Variants in IL1RAPL2 observed in about 807,000 individuals in gnomAD.
IL1RAPL2 encodes X-linked interleukin-1 receptor accessory protein-like 2.
Under a neutral mutation model 44.1 loss-of-function variants are expected in IL1RAPL2, and 3 were observed. That is an observed-to-expected ratio of 0.07 (90% CI 0.03 to 0.18). IL1RAPL2 has a LOEUF of 0.18. IL1RAPL2 is among the 10% of genes least tolerant of loss of function. IL1RAPL2 has a pLI of 1.00. For synonymous variants in IL1RAPL2, 181 were observed against 178.8 expected (o/e 1.01, Z -0.10); for missense variants, 391 against 496.4 (o/e 0.79, Z 2.02).
chrX:104,829,185 A>T (rs1445137378), intron 2 of IL1RAPL2, among the ~76,000 whole-genome samples: 1 of 111,636 alleles, frequency 9.0e-6, no homozygotes, highest in African/African-American at 3.3e-5. Context: ...ATGAAAAAAA[A>T]ACTCTTGCAG....
At position 104,585,394 on chromosome X, in the gene IL1RAPL2, A is replaced by T. The variant is rs1218276659; in HGVS notation, c.-20+18343A>T. Among the ~76,000 whole-genome samples the T allele has an allele frequency of 7.2e-4, 17 of 23,600 alleles. 1 individual carries two copies. The highest frequency in any genetic ancestry group is 2.4e-3 in the Admixed American group (3 of 1,273). 20.5% of individuals were successfully genotyped at this position (23,600 alleles called of 115,157 possible). On this transcript the variant is annotated intron_variant, in intron 1 of 10. Transcript: ENST00000372582. ...ATTATATATAATATATATTATATAT[A>T]ATATATAATATATATATAATATATA...
Position 105,088,728 on chromosome X carries a change from T to C in IL1RAPL2, c.83-106747T>C, listed in dbSNP as rs1201894963. On this transcript the variant is annotated intron_variant, in intron 2 of 10. Coordinates refer to ENST00000372582, the MANE Select transcript of IL1RAPL2 (RefSeq NM_017416.2). Reference sequence around the variant, plus strand: ...GTATGCTTAAATAGAGACCCACTTATTGGTGCCAGTTAATCCTTAATGAAT... The same window carrying C: ...GTATGCTTAAATAGAGACCCACTTACTGGTGCCAGTTAATCCTTAATGAAT... Among the ~76,000 whole-genome samples the C allele has an allele frequency of 3.6e-5, 4 of 111,654 alleles. No individual in the cohort carries two copies. The East Asian group carries it at 1.1e-3, about 31-fold the overall frequency.
chrX:104,785,587 T>G (rs1410495454), intron 2 of IL1RAPL2, among the ~76,000 whole-genome samples: 2 of 111,586 alleles, frequency 1.8e-5, no homozygotes, highest in African/African-American at 6.5e-5. Context: ...ACCTTGCATC[T>G]GCCTTCAGTT....
intron 2 of IL1RAPL2, among the ~76,000 whole-genome samples, chrX:104,903,848 G>C (rs771085975): frequency 9.0e-6 from 1 of 111,616 alleles, no homozygotes; most frequent in Non-Finnish European, 1.9e-5. Context: ...CAAAGTGCTA[G>C]GATTACAGAT....
intron 6 of IL1RAPL2, among the ~76,000 whole-genome samples, chrX:105,692,066 T>C (rs2038039831): frequency 8.9e-6 from 1 of 112,030 alleles, no homozygotes; most frequent in African/African-American, 3.2e-5. Context: ...TAATGAGTTT[T>C]ATTGGGAATA....
chrX:105,513,398 G>A (rs781631423), intron 6 of IL1RAPL2, among the ~76,000 whole-genome samples: 18 of 111,482 alleles, frequency 1.6e-4, no homozygotes, highest in Non-Finnish European at 2.3e-4. Context: ...GCATAAAAGC[G>A]TTCCTATTTC....
rs1358992337 is a variant in IL1RAPL2 at position 104,638,431 on chromosome X, T to C, written c.-19-20464T>C. Among the ~76,000 whole-genome samples the C allele has an allele frequency of 2.7e-5, 3 of 111,757 alleles. No homozygotes were observed. In the East Asian group the frequency reaches 8.5e-4, roughly 31 times the overall value. The stretch of plus-strand genomic sequence containing the variant: ...GTTTGGTTTGTACTTTCTTTTCTAG[T>C]TACTTGAGGTGCACTATTAAATTAT... On this transcript the variant is annotated intron_variant, in intron 1 of 10. Coordinates refer to ENST00000372582, the MANE Select transcript of IL1RAPL2 (RefSeq NM_017416.2).
At chrX:105,755,401 T>A (rs1410941490) in intron 10 of IL1RAPL2, 54 bp downstream of exon 10, 1 of 911,487 alleles carries the variant, frequency 1.1e-6, no homozygotes, top group African/African-American at 1.9e-5. Flanking sequence ...TAGGATGTTA[T>A]GTGAAGGCTT....
At chrX:105,331,660 T>C (rs985345494) in intron 5 of IL1RAPL2, among the ~76,000 whole-genome samples, 3 of 111,857 alleles carry the variant, frequency 2.7e-5, no homozygotes, top group African/African-American at 9.7e-5. Context: ...TATAAAGTTT[T>C]AAATCACTGG....
chrX:105,696,226 C>T (rs912448996), intron 6 of IL1RAPL2, among the ~76,000 whole-genome samples: 1 of 111,943 alleles, frequency 8.9e-6, no homozygotes, highest in African/African-American at 3.2e-5. Context: ...AAAACAGTAT[C>T]AAATTGGTCA....
intron 6 of IL1RAPL2, among the ~76,000 whole-genome samples, chrX:105,664,463 T>C (rs993905596): frequency 1.1e-4 from 12 of 111,975 alleles, no homozygotes; most frequent in African/African-American, 3.6e-4. Flanking sequence ...CAGTTGCCAG[T>C]CTGTTGATTG....
chrX:105,670,103 C>CTATATATATATATATA, intron 6 of IL1RAPL2, among the ~76,000 whole-genome samples: 1 of 8,775 alleles, frequency 1.1e-4, no homozygotes, highest in Non-Finnish European at 2.2e-4. Flanking sequence ...TCTGGGTTTC[C>CTATATATATATATATA]TGTATATATA....
intron 6 of IL1RAPL2, among the ~76,000 whole-genome samples, chrX:105,548,928 C>T (rs1313269791): frequency 8.9e-6 from 1 of 112,128 alleles, no homozygotes; most frequent in East Asian, 2.8e-4. Flanking sequence ...ATATTCTAAA[C>T]ATATGGGTTT....
At chrX:104,752,743 A>G (rs1187152958) in intron 2 of IL1RAPL2, among the ~76,000 whole-genome samples, 1 of 110,965 alleles carries the variant, frequency 9.0e-6, no homozygotes, top group Admixed American at 9.7e-5. Flanking sequence ...GTGTAGGCTC[A>G]TGATCACCTT....
At chrX:105,182,388 CCTT>C (rs1189676243) in intron 2 of IL1RAPL2, among the ~76,000 whole-genome samples, 1 of 111,457 alleles carries the variant, frequency 9.0e-6, no homozygotes, top group East Asian at 2.8e-4. Context: ...TTTATAATGA[CCTT>C]CTTTATCTCT....
At chrX:105,384,283 G>A (rs752809576) in intron 5 of IL1RAPL2, among the ~76,000 whole-genome samples, 6 of 111,344 alleles carry the variant, frequency 5.4e-5, no homozygotes, top group African/African-American at 1.3e-4. Flanking sequence ...TTTGGTTTTT[G>A]TATTTGGCTA....
At chrX:104,826,605 A>G (rs1443120609) in intron 2 of IL1RAPL2, among the ~76,000 whole-genome samples, 4 of 111,439 alleles carry the variant, frequency 3.6e-5, no homozygotes, top group Non-Finnish European at 7.5e-5. Context: ...TGGGGTGGAG[A>G]GTACTGTAGA....
chrX:104,857,480 C>G (rs939354441), intron 2 of IL1RAPL2, among the ~76,000 whole-genome samples: 29 of 111,978 alleles, frequency 2.6e-4, no homozygotes, highest in African/African-American at 9.1e-4. Flanking sequence ...AAAATTGACC[C>G]TCTAAAAAGA....
rs180994555 is a variant in IL1RAPL2, at chrX:104,881,615, T to C, written c.82+222620T>C. Among the ~76,000 whole-genome samples, 497 of 112,316 alleles carry C rather than the reference T, an allele frequency of 4.4e-3. 1 individual carries two copies. The highest frequency in any genetic ancestry group is 7.8e-3 in the Non-Finnish European group (413 of 53,259). On this transcript the variant is annotated intron_variant, in intron 2 of 10. Coordinates refer to ENST00000372582, the MANE Select transcript of IL1RAPL2 (RefSeq NM_017416.2). Reference sequence around the variant, plus strand: ...TTTATTATAAAATTTAAATAGACGCTGGGAAAAGTGCATAGAAAATGCTTA... The same window carrying C: ...TTTATTATAAAATTTAAATAGACGCCGGGAAAAGTGCATAGAAAATGCTTA...
Sources: gnomAD v4.1 joint callset for allele counts (sites outside exome capture counted in the v4.1 genomes callset) on GRCh38, gnomAD v4.1.1 for gene constraint, MANE v1.5 for transcripts, NCBI Gene and HGNC (gene_info 2026-07-23, HGNC 2026-07-21) for gene names.